DNAAF1: variants seen among roughly 807,000 people sequenced by gnomAD.
DNAAF1 encodes dynein axonemal assembly factor 1, also known as dynein assembly factor 1, axonemal.
Under a neutral mutation model 71.1 loss-of-function variants are expected in DNAAF1, and 65 were observed. That is an observed-to-expected ratio of 0.91 (90% CI 0.75 to 1.12). The LOEUF (loss-of-function observed/expected upper bound fraction) is 1.12, where lower values mean the gene tolerates loss of function less well. DNAAF1 is among the 50% of genes most tolerant of loss of function. The pLI, the probability that DNAAF1 is intolerant of heterozygous loss-of-function variation, is 0.00. For synonymous variants in DNAAF1, 414 were observed against 354.6 expected (o/e 1.17, Z -1.88); for missense variants, 1,178 against 899.8 (o/e 1.31, Z -3.96).
intron 9 of DNAAF1, chr16:84,172,745 T>G: frequency 1.7e-6 from 2 of 1,160,356 alleles, no homozygotes; most frequent in Non-Finnish European, 2.2e-6. Context: ...GAGAGTTACA[T>G]TGTATCATCA....
rs563843148 is a variant in DNAAF1 at position 84,152,851 on chromosome 16, G to C, written c.353-1726G>C. Among the ~76,000 whole-genome samples, 45 of 151,606 alleles carry C rather than the reference G, an allele frequency of 3.0e-4. No individual in the cohort carries two copies. The South Asian group carries it at 9.2e-3, about 31-fold the overall frequency. On this transcript the variant is annotated intron_variant, in intron 3 of 11. Transcript: ENST00000378553. ...GGGTACCTGTAATCTCAGCTACTCA[G>C]GAGGCTGAGACAGGAGAATCACTTG...
Position 84,169,904 on chromosome 16 carries a change from C to T in DNAAF1, c.1076C>T (p.Ala359Val), listed in dbSNP as rs899339856. ...SDDGENVPAS[A>V]EGKEEPPGDR... ...GATGGTGAGAATGTGCCCGCCAGTG[C>T]GGAAGGCAAGGAGGAGCCTCCCGGG... The change falls in exon 8 of 12, where the codon GCG becomes GTG. Residue 359 changes from alanine to valine, a missense_variant. By Grantham distance (64) the Ala-to-Val change is moderately conservative. Transcript: ENST00000378553. The T allele has an allele frequency of 1.2e-5, 19 of 1,613,968 alleles. No individual in the cohort carries two copies. The highest frequency in any genetic ancestry group is 5.3e-5 in the African/African-American group (4 of 74,930).
intron 8 of DNAAF1, among the ~76,000 whole-genome samples, 185 bp from the exon 9 acceptor site, chr16:84,172,075 C>G (rs1361841500): frequency 6.6e-6 from 1 of 152,106 alleles, no homozygotes; most frequent in Non-Finnish European, 1.5e-5. Flanking sequence ...ACGGGGGTTT[C>G]ACTGTGTTGG....
At chr16:84,177,671 CCCT>C in intron 11 of DNAAF1, 55 bp from the exon 12 acceptor site, 1 of 1,482,038 alleles carries the variant, frequency 6.7e-7, no homozygotes, top group Non-Finnish European at 9.4e-7. Flanking sequence ...AAGGCTGCCC[CCCT>C]GTCCTTGCAG....
intron 11 of DNAAF1, 116 bp downstream of exon 11, chr16:84,176,415 A>G: frequency 6.8e-7 from 1 of 1,480,934 alleles, no homozygotes. Flanking sequence ...TGGAGGGGTC[A>G]CCCAGGACAG....
intron 4 of DNAAF1, 91 bp downstream of exon 4, chr16:84,154,889 A>G: frequency 8.7e-7 from 1 of 1,148,382 alleles, no homozygotes; most frequent in Non-Finnish European, 1.3e-6. Flanking sequence ...TATGGGCAAG[A>G]AGTGGTGTTT....
chr16:84,175,660 A>G lies in DNAAF1; in HGVS notation c.1699-273A>G, dbSNP rs2151280473. The G allele has an allele frequency of 1.9e-5, 9 of 485,600 alleles. No individual in the cohort carries two copies. In the South Asian group the frequency reaches 1.9e-4, roughly 10 times the overall value. 30.1% of individuals were successfully genotyped at this position (485,600 alleles called of 1,614,324 possible). ...GCATGCCAAGCAGAGCCCAGGGCTC[A>G]GGGGTGCGCCCTCTCAGGTACCAGG... On this transcript the variant is annotated intron_variant, in intron 10 of 11. Transcript: ENST00000378553.
At chr16:84,160,992 A>G (rs1170930392) in intron 6 of DNAAF1, among the ~76,000 whole-genome samples, 2 of 151,576 alleles carry the variant, frequency 1.3e-5, no homozygotes, top group Non-Finnish European at 2.9e-5. Context: ...TTCAACAGAA[A>G]TTGACGCAGC....
At chr16:84,171,944 C>G (rs1164049254) in intron 8 of DNAAF1, among the ~76,000 whole-genome samples, 1 of 149,852 alleles carries the variant, frequency 6.7e-6, no homozygotes, top group Non-Finnish European at 1.5e-5. Flanking sequence ...GTGGCACAAT[C>G]TCGGCTCATT....
intron 7 of DNAAF1, among the ~76,000 whole-genome samples, chr16:84,169,077 CTTTTTTTTTTTTT>C (rs567267370): frequency 2.8e-5 from 2 of 71,188 alleles, no homozygotes; most frequent in African/African-American, 1.2e-4. Context: ...CTCAAGGATA[CTTTTTTTTTTTTT>C]TTTTTTTTTT....
Position 84,176,634 on chromosome 16 carries a change from C to T in DNAAF1, c.2065+335C>T, listed in dbSNP as rs908919686. 34 of 405,490 alleles carry T rather than the reference C, an allele frequency of 8.4e-5. No individual in the cohort carries two copies. In the East Asian group the frequency reaches 1.9e-3, roughly 22 times the overall value. 25.1% of individuals were successfully genotyped at this position (405,490 alleles called of 1,614,324 possible). On this transcript the variant is annotated intron_variant, in intron 11 of 11. Transcript: ENST00000378553. ...ACCGTGCATTTCCACCCCCTCCTCA[C>T]CATCCCTGGCCTCAGCCTTTCTAGA...
chr16:84,154,509 C>G (rs949712251), intron 3 of DNAAF1, 68 bp from the exon 4 acceptor site: 4 of 1,431,224 alleles, frequency 2.8e-6, no homozygotes, highest in Non-Finnish European at 3.9e-6. Context: ...TAGGCAAAAA[C>G]AAGGGTGACC....
At position 84,149,057 on chromosome 16, in the gene DNAAF1, C is replaced by G. The variant is rs763000403; in HGVS notation, c.175C>G (p.His59Asp). The part of the protein sequence containing the change: ...ICVGSSDTSY[H>D]SQQKQSGDNG... ...TGTGGGTTCTTCTGACACATCCTACCACAGCCAGCAGAAACAGAGTGGTGA... is the reference window on the plus strand; with the variant it reads ...TGTGGGTTCTTCTGACACATCCTACGACAGCCAGCAGAAACAGAGTGGTGA... Residue 59 changes from histidine (H) to aspartate (D), a missense_variant, in exon 2 of 12, where the codon CAC becomes GAC. Transcript: ENST00000378553. The G allele has an allele frequency of 1.9e-6, 3 of 1,613,946 alleles. No homozygotes were observed. The highest frequency in any genetic ancestry group is 3.3e-5 in the Admixed American group (2 of 59,978).
Position 84,177,856 on chromosome 16 carries a change from A to G in DNAAF1, c.*15A>G. On this transcript the variant is annotated 3_prime_UTR_variant, in exon 12 of 12. Transcript: ENST00000378553. ...AAGCATCATAGTTTTCCCCAGTTAT[A>G]TGTAGCATAAATGGTTTAATCATAA... 6.3e-7 allele frequency: 1 copy of G among 1,593,824 alleles called. No individual in the cohort carries two copies. The highest frequency in any genetic ancestry group is 1.1e-5 in the South Asian group (1 of 90,672).
chr16:84,165,663 C>T (rs994633137), intron 6 of DNAAF1, 120 bp from the exon 7 acceptor site: 3 of 969,614 alleles, frequency 3.1e-6, no homozygotes, highest in African/African-American at 3.2e-5. Flanking sequence ...AACTTTTATC[C>T]TTGCAGTCAC....
intron 8 of DNAAF1, among the ~76,000 whole-genome samples, chr16:84,170,925 A>C (rs1028507813): frequency 2.6e-5 from 4 of 152,246 alleles, no homozygotes; most frequent in African/African-American, 9.6e-5. Flanking sequence ...CAATATATAA[A>C]AAATATAATC....
At chr16:84,157,885 A>T (rs1433261772) in intron 5 of DNAAF1, among the ~76,000 whole-genome samples, 1 of 152,158 alleles carries the variant, frequency 6.6e-6, no homozygotes, top group South Asian at 2.1e-4. Flanking sequence ...GGGTTGCCAT[A>T]AGTACCGGGT....
At chr16:84,161,028 G>C (rs926178054) in intron 6 of DNAAF1, among the ~76,000 whole-genome samples, 1 of 152,116 alleles carries the variant, frequency 6.6e-6, no homozygotes, top group African/African-American at 2.4e-5. Context: ...TCTGGGGGTG[G>C]TAAGGACGGG....
rs199680570 is a variant in DNAAF1, at chr16:84,176,224, A to C, written c.1990A>C (p.Thr664Pro). ...DPSGQLLMPPTCQRDAAPLTS... is the reference protein window; with the variant it reads ...DPSGQLLMPPPCQRDAAPLTS... ...CTCTGGCCAGCTACTGATGCCCCCC[A>C]CCTGCCAAAGAGATGCTGCACCACT... Residue 664 changes from threonine to proline, a missense_variant, in exon 11 of 12, where the codon ACC becomes CCC. Physicochemically the swap from Thr to Pro is conservative, Grantham distance 38 (BLOSUM62 -1). Transcript: ENST00000378553. 4.5e-5 allele frequency: 72 copies of C among 1,613,332 alleles called. No homozygotes were observed. In the African/African-American group the frequency reaches 8.3e-4, roughly 19 times the overall value.
Sources: allele counts gnomAD v4.1 joint callset (sites outside exome capture counted in the v4.1 genomes callset), GRCh38; gene constraint gnomAD v4.1.1; transcripts MANE v1.5; gene names NCBI Gene and HGNC (gene_info 2026-07-23, HGNC 2026-07-21).